The following NBEA variants were observed in gnomAD, a reference collection of about 807,000 sequenced individuals.
The protein encoded by NBEA is lysosomal-trafficking regulator 2.
NBEA carries 44 observed loss-of-function variants against 343.4 expected under a neutral mutation model. That is an observed-to-expected ratio of 0.13 (90% CI 0.10 to 0.16). The LOEUF (loss-of-function observed/expected upper bound fraction) is 0.16, where lower values mean the gene tolerates loss of function less well. NBEA is among the 10% of genes least tolerant of loss of function. The pLI is 1.00. For missense variants in NBEA, 2,555 were observed against 3,631.3 expected, an observed-to-expected ratio of 0.70 and a Z score of 7.62; for synonymous variants, 1,175 against 1,238.7, an observed-to-expected ratio of 0.95 and a Z score of 1.08.
At chr13:35,014,845 A>G (rs2061597176) in intron 1 of NBEA, among the ~76,000 whole-genome samples, 1 of 152,084 alleles carries the variant, frequency 6.6e-6, no homozygotes, top group Non-Finnish European at 1.5e-5. Context: ...CGCTGCCAGC[A>G]CTGGGAGAGG....
At chr13:35,121,180 T>C (rs1373350310) in intron 16 of NBEA, among the ~76,000 whole-genome samples, 1 of 152,016 alleles carries the variant, frequency 6.6e-6, no homozygotes, top group Non-Finnish European at 1.5e-5. Context: ...TCTCGGCTTA[T>C]GGCAGCCTCC....
intron 41 of NBEA, among the ~76,000 whole-genome samples, chr13:35,503,632 C>T (rs1330331704): frequency 1.3e-5 from 2 of 151,928 alleles, no homozygotes; most frequent in Non-Finnish European, 2.9e-5. Flanking sequence ...CTTAAGGTAG[C>T]ATTGCTGGTA....
intron 13 of NBEA, among the ~76,000 whole-genome samples, chr13:35,114,305 C>T (rs2066388016): frequency 2.0e-5 from 3 of 152,166 alleles, no homozygotes; most frequent in Admixed American, 6.5e-5. Context: ...TAGCCTCAAA[C>T]TTTTTAAATT....
At chr13:35,337,954 A>G (rs1315562058) in intron 36 of NBEA, among the ~76,000 whole-genome samples, 5 of 152,074 alleles carry the variant, frequency 3.3e-5, no homozygotes, top group East Asian at 1.9e-4. Context: ...GATGGGATGC[A>G]TTTAAAGTAG....
intron 31 of NBEA, among the ~76,000 whole-genome samples, chr13:35,207,163 A>C (rs1165163424): frequency 6.6e-6 from 1 of 151,976 alleles, no homozygotes; most frequent in Non-Finnish European, 1.5e-5. Flanking sequence ...AATAATAATT[A>C]TTACAAATAT....
chr13:35,607,269 C>T (rs1248534650), intron 48 of NBEA, among the ~76,000 whole-genome samples: 1 of 152,146 alleles, frequency 6.6e-6, no homozygotes, highest in Non-Finnish European at 1.5e-5. Context: ...GTTGCACGCA[C>T]TGATCTTGAA....
chr13:35,431,707 G>A (rs1052351904), intron 38 of NBEA, among the ~76,000 whole-genome samples: 4 of 152,078 alleles, frequency 2.6e-5, no homozygotes, highest in Non-Finnish European at 1.5e-5. Context: ...GGATAAAATT[G>A]CATTTTTCTC....
chr13:35,098,192 A>C, intron 10 of NBEA, 105 bp from the exon 11 acceptor site: 1 of 703,040 alleles, frequency 1.4e-6, no homozygotes, highest in Non-Finnish European at 2.3e-6. Flanking sequence ...AATAGAGATG[A>C]GATTTGAATA....
At chr13:35,275,512 A>G (rs183432669) in intron 34 of NBEA, among the ~76,000 whole-genome samples, 60 of 152,348 alleles carry the variant, frequency 3.9e-4, no homozygotes, top group African/African-American at 1.4e-3. Flanking sequence ...ATGGGATCTA[A>G]TTAAACTAAA....
intron 34 of NBEA, among the ~76,000 whole-genome samples, chr13:35,264,063 T>A (rs2033452568): frequency 7.3e-6 from 1 of 137,456 alleles, no homozygotes; most frequent in Non-Finnish European, 1.6e-5. Context: ...AAATCAGAAA[T>A]GAAAAAGGAG....
At chr13:35,254,669 T>A (rs1044982512) in intron 34 of NBEA, among the ~76,000 whole-genome samples, 11 of 152,092 alleles carry the variant, frequency 7.2e-5, no homozygotes, top group Admixed American at 5.9e-4. Context: ...TACTTTAATT[T>A]TGTTCCTATT....
intron 38 of NBEA, among the ~76,000 whole-genome samples, chr13:35,413,623 T>G (rs1235269502): frequency 6.6e-6 from 1 of 152,082 alleles, no homozygotes; most frequent in Non-Finnish European, 1.5e-5. Context: ...ACCCTATTTA[T>G]CTAAAAATAA....
In NBEA at chr13:35,098,382, G is replaced by A; in HGVS notation, c.1657G>A (p.Val553Ile). ...GATGCTGGGTGGAAAAGGCTTTTTA[G>A]TCATTGGCTACTTACTTGAAAAGGT... Reference protein sequence around the residue: ...EQMLGGKGFLVIGYLLEKSSR... With the variant: ...EQMLGGKGFLIIGYLLEKSSR... The change falls in exon 11 of 59, where the codon GTC becomes ATC. Residue 553 changes from valine (V) to isoleucine (I), a missense_variant. Val to Ile is a conservative substitution (Grantham distance 29). Coordinates refer to ENST00000379939, the MANE Select transcript of NBEA (RefSeq NM_001385012.1). The A allele has an allele frequency of 6.3e-7, 1 of 1,586,850 alleles. No homozygotes were observed. The highest frequency in any genetic ancestry group is 8.6e-7 in the Non-Finnish European group (1 of 1,164,880).
intron 1 of NBEA, among the ~76,000 whole-genome samples, chr13:34,993,854 T>C (rs1423398125): frequency 2.6e-5 from 4 of 152,128 alleles, no homozygotes; most frequent in Admixed American, 1.3e-4. Flanking sequence ...TATGGTTCTT[T>C]TGAAAAGATA....
chr13:34,975,243 C>G (rs546709476), intron 1 of NBEA, among the ~76,000 whole-genome samples: 4 of 152,270 alleles, frequency 2.6e-5, no homozygotes, highest in Non-Finnish European at 5.9e-5. Context: ...ACCAAAATAG[C>G]ATGGTACTGG....
At chr13:35,274,067 G>A (rs2034395590) in intron 34 of NBEA, among the ~76,000 whole-genome samples, 1 of 152,112 alleles carries the variant, frequency 6.6e-6, no homozygotes, top group Non-Finnish European at 1.5e-5. Flanking sequence ...AACAAAAAAA[G>A]AATTTTAGAC....
At chr13:35,325,141 A>G (rs2038452843) in intron 36 of NBEA, among the ~76,000 whole-genome samples, 1 of 151,996 alleles carries the variant, frequency 6.6e-6, no homozygotes, top group Non-Finnish European at 1.5e-5. Flanking sequence ...TGAAAATTTT[A>G]CATATTTTTC....
chr13:35,624,071 TGTGTGTGTGA>T (rs1267673203), intron 48 of NBEA, among the ~76,000 whole-genome samples: 6 of 151,892 alleles, frequency 4.0e-5, no homozygotes, highest in African/African-American at 1.4e-4. Context: ...TGTGTGTGTG[TGTGTGTGTGA>T]GAATTGCATC....
At chr13:35,616,046 T>A (rs537244982) in intron 48 of NBEA, among the ~76,000 whole-genome samples, 1 of 152,318 alleles carries the variant, frequency 6.6e-6, no homozygotes, top group East Asian at 1.9e-4. Flanking sequence ...ATGATATTCA[T>A]TTACATTCTA....
Sources: gnomAD v4.1 joint callset for allele counts (sites outside exome capture counted in the v4.1 genomes callset) on GRCh38, gnomAD v4.1.1 for gene constraint, MANE v1.5 for transcripts, NCBI Gene and HGNC (gene_info 2026-07-23, HGNC 2026-07-21) for gene names.